DACH2: variants seen among roughly 807,000 people sequenced by gnomAD.
DACH2 encodes the protein dachshund family transcription factor 2, also known as dachshund homolog 2.
A neutral mutation model predicts 35.8 loss-of-function variants in DACH2; 17 were observed. The observed-to-expected ratio is 0.48, with a 90% CI of 0.33 to 0.71. The LOEUF (loss-of-function observed/expected upper bound fraction) is 0.71. Ranked by LOEUF, DACH2 falls within the 30% of genes least tolerant of loss-of-function variation. DACH2 has a pLI of 0.02. For missense variants in DACH2, 469 were observed against 472.7 expected, an observed-to-expected ratio of 0.99 and a Z score of 0.07; for synonymous variants, 195 against 177.3, an observed-to-expected ratio of 1.10 and a Z score of -0.79.
At chrX:86,285,760 G>A (rs950920919) in intron 1 of DACH2, among the ~76,000 whole-genome samples, 30 of 111,604 alleles carry the variant, frequency 2.7e-4, no homozygotes, top group Non-Finnish European at 5.3e-4. Flanking sequence ...TGCTGAAAGT[G>A]GGGTATTGAA....
intron 3 of DACH2, among the ~76,000 whole-genome samples, chrX:86,576,860 C>G (rs2039441999): frequency 9.0e-6 from 1 of 110,692 alleles, no homozygotes; most frequent in African/African-American, 3.3e-5. Context: ...CCCTCTCTCA[C>G]TTCCTCCCTT....
At chrX:86,287,745 CTA>C (rs754818139) in intron 1 of DACH2, among the ~76,000 whole-genome samples, 23 of 111,830 alleles carry the variant, frequency 2.1e-4, no homozygotes, top group Admixed American at 6.7e-4. Flanking sequence ...TTGATTATTT[CTA>C]TGTTTTAATT....
At chrX:86,174,182 G>A (rs1602254180) in intron 1 of DACH2, among the ~76,000 whole-genome samples, 1 of 102,332 alleles carries the variant, frequency 9.8e-6, no homozygotes, top group East Asian at 3.1e-4. Flanking sequence ...GAGTGCAGTG[G>A]CATGATCATC....
intron 5 of DACH2, among the ~76,000 whole-genome samples, chrX:86,713,052 T>C (rs2041296659): frequency 9.0e-6 from 1 of 111,707 alleles, no homozygotes; most frequent in Non-Finnish European, 1.9e-5. Flanking sequence ...GAGTGTTGTA[T>C]GAGACCTTAC....
chrX:86,313,253 C>T (rs1451478688), intron 1 of DACH2, among the ~76,000 whole-genome samples: 2 of 111,202 alleles, frequency 1.8e-5, no homozygotes, highest in African/African-American at 6.5e-5. Flanking sequence ...TGCAATGTTC[C>T]TTATTTTTAA....
At chrX:86,610,417 CTT>C (rs773331473) in intron 3 of DACH2, among the ~76,000 whole-genome samples, 1 of 49,418 alleles carries the variant, frequency 2.0e-5, no homozygotes, top group African/African-American at 7.1e-5. Context: ...TTCTTTCTTT[CTT>C]TTCTTTCTTT....
chrX:86,485,303 CAT>C (rs1357381728), intron 2 of DACH2, among the ~76,000 whole-genome samples: 1 of 111,222 alleles, frequency 9.0e-6, no homozygotes, highest in Non-Finnish European at 1.9e-5. Context: ...AGATCTCACT[CAT>C]ATATGGAGTC....
chrX:86,490,707 G>T (rs926540607), intron 2 of DACH2, among the ~76,000 whole-genome samples: 3 of 110,839 alleles, frequency 2.7e-5, no homozygotes, highest in African/African-American at 9.8e-5. Context: ...CGATAAGTCT[G>T]GGATAAGGCC....
chrX:86,221,555 T>G (rs1479531203), intron 1 of DACH2, among the ~76,000 whole-genome samples: 1 of 112,328 alleles, frequency 8.9e-6, no homozygotes, highest in East Asian at 2.8e-4. Context: ...TTGACTTTTG[T>G]GGTTCCACAT....
intron 1 of DACH2, among the ~76,000 whole-genome samples, chrX:86,272,866 C>T (rs1397341): frequency 0.094 from 10,483 of 111,709 alleles, 778 homozygotes; most frequent in African/African-American, 0.24. Flanking sequence ...TTTTAATCAA[C>T]ATACCAGCAA....
At chrX:86,609,158 G>A (rs2039897319) in intron 3 of DACH2, among the ~76,000 whole-genome samples, 1 of 111,179 alleles carries the variant, frequency 9.0e-6, no homozygotes, top group Admixed American at 9.6e-5. Flanking sequence ...GTTTCATTTT[G>A]TAAACTATTT....
intron 2 of DACH2, among the ~76,000 whole-genome samples, chrX:86,496,755 T>C (rs1005119044): frequency 9.1e-6 from 1 of 110,113 alleles, no homozygotes; most frequent in African/African-American, 3.3e-5. Flanking sequence ...AGGGCAGGCC[T>C]CTCAAGCAGA....
intron 1 of DACH2, among the ~76,000 whole-genome samples, chrX:86,292,516 T>C (rs1268136953): frequency 9.0e-6 from 1 of 111,401 alleles, no homozygotes; most frequent in African/African-American, 3.3e-5. Flanking sequence ...AATTGTGATG[T>C]TAGGTTGTCA....
chrX:86,828,983 A>AT (rs2042587476), intron 11 of DACH2: 1 of 112,184 alleles, frequency 8.9e-6, no homozygotes, highest in South Asian at 3.7e-4. Flanking sequence ...ATCTCCTGCA[A>AT]AAAGCCAACT....
chrX:86,700,494 C>T (rs758757910), intron 5 of DACH2, among the ~76,000 whole-genome samples: 2 of 105,516 alleles, frequency 1.9e-5, no homozygotes, highest in African/African-American at 7.0e-5. Flanking sequence ...GAATTAAACC[C>T]TTTATTATTA....
chrX:86,508,009 C>T (rs190961343), intron 2 of DACH2, among the ~76,000 whole-genome samples: 7 of 111,231 alleles, frequency 6.3e-5, no homozygotes, highest in Admixed American at 9.6e-5. Context: ...GTTTTGGCAT[C>T]GGAGAGCATT....
chrX:86,595,677 T>C (rs774504352), intron 3 of DACH2, among the ~76,000 whole-genome samples: 10 of 110,154 alleles, frequency 9.1e-5, no homozygotes, highest in Non-Finnish European at 1.3e-4. Flanking sequence ...TTTGTCTTTC[T>C]TTCTATATGT....
intron 10 of DACH2, 109 bp from the exon 11 acceptor site, chrX:86,815,925 G>A: frequency 2.0e-6 from 1 of 492,630 alleles, no homozygotes; most frequent in Non-Finnish European, 3.0e-6. Context: ...TGCCACCCAA[G>A]GTCTTATGTT....
At chrX:86,806,981 C>T (rs2042350956) in intron 7 of DACH2, among the ~76,000 whole-genome samples, 1 of 111,486 alleles carries the variant, frequency 9.0e-6, no homozygotes. Flanking sequence ...TGGCCTCTAC[C>T]ACTAGATGTC....
Sources: gnomAD v4.1 joint callset for allele counts (sites outside exome capture counted in the v4.1 genomes callset) on GRCh38, gnomAD v4.1.1 for gene constraint, MANE v1.5 for transcripts, NCBI Gene and HGNC (gene_info 2026-07-23, HGNC 2026-07-21) for gene names.